The following CCDC7 variants were observed in gnomAD, a reference collection of about 807,000 sequenced individuals.
CCDC7 encodes coiled-coil domain containing 7, also known as coiled-coil domain-containing protein 7.
In CCDC7, 183 loss-of-function variants were observed where a neutral mutation model predicts 196.9. The ratio of observed to expected loss-of-function variants is 0.93; its 90% CI spans 0.82 to 1.05. CCDC7 has a LOEUF of 1.05. Among genes scored for constraint, CCDC7 ranks in the 50% least tolerant of loss-of-function variants. CCDC7 has a pLI of 0.00. For missense variants in CCDC7, 1,540 were observed against 1,482.2 expected, an observed-to-expected ratio of 1.04 and a Z score of -0.64; for synonymous variants, 525 against 484.6, an observed-to-expected ratio of 1.08 and a Z score of -1.10.
intron 9 of CCDC7, among the ~76,000 whole-genome samples, chr10:32,497,508 T>G (rs959973369): frequency 2.6e-5 from 4 of 152,210 alleles, no homozygotes; most frequent in Admixed American, 2.6e-4. Flanking sequence ...AGATCTTGCC[T>G]TCTTTCTCTT....
chr10:32,467,658 C>A (rs1392186086), intron 5 of CCDC7, among the ~76,000 whole-genome samples: 1 of 152,004 alleles, frequency 6.6e-6, no homozygotes, highest in Non-Finnish European at 1.5e-5. Flanking sequence ...GAGTCTTTGC[C>A]CATTCCTATG....
rs2035213598 is a variant in CCDC7, at chr10:32,459,710, T to C, written c.457-2973T>C. Among the ~76,000 whole-genome samples the C allele has an allele frequency of 4.6e-5, 7 of 150,808 alleles. No homozygotes were observed. In the South Asian group the frequency reaches 1.5e-3, roughly 32 times the overall value. The stretch of plus-strand genomic sequence containing the variant: ...TCTTCAAATACCCTAATAGTTTTTT[T>C]CCTTGATACAAATTTACAATTGACT... On this transcript the variant is annotated intron_variant, in intron 3 of 41. Transcript: ENST00000639629.
intron 24 of CCDC7, among the ~76,000 whole-genome samples, chr10:32,706,368 G>C (rs956629123): frequency 2.6e-5 from 4 of 152,018 alleles, no homozygotes; most frequent in Non-Finnish European, 5.9e-5. Context: ...GAGAAAGCAG[G>C]AAAGATCTAA....
intron 7 of CCDC7, among the ~76,000 whole-genome samples, chr10:32,473,095 A>G (rs531743591): frequency 6.6e-6 from 1 of 152,352 alleles, no homozygotes; most frequent in South Asian, 2.1e-4. Flanking sequence ...TACAGACAAC[A>G]ATGTGGTTGT....
At chr10:32,511,340 G>T (rs1048862886) in intron 9 of CCDC7, 3 of 1,579,652 alleles carry the variant, frequency 1.9e-6, no homozygotes. Context: ...TCCTTTATTG[G>T]CAACTTTTGA....
chr10:32,739,021 A>G (rs888525441), intron 28 of CCDC7, among the ~76,000 whole-genome samples: 5 of 151,982 alleles, frequency 3.3e-5, no homozygotes, highest in African/African-American at 1.2e-4. Context: ...GAATATTTTA[A>G]ATATTTTAAG....
chr10:32,805,351 A>G (rs1461849801), intron 30 of CCDC7, among the ~76,000 whole-genome samples: 1 of 152,226 alleles, frequency 6.6e-6, no homozygotes, highest in African/African-American at 2.4e-5. Flanking sequence ...TGAGCTTAGA[A>G]TATACTTGGG....
chr10:32,773,058 A>G (rs1483759892), intron 28 of CCDC7, among the ~76,000 whole-genome samples: 1 of 152,186 alleles, frequency 6.6e-6, no homozygotes, highest in Non-Finnish European at 1.5e-5. Context: ...AGTTGTATTA[A>G]GACTTCATTA....
chr10:32,648,418 C>T lies in CCDC7; in HGVS notation c.2014+13260C>T, dbSNP rs138960242. Among the ~76,000 whole-genome samples the T allele has an allele frequency of 2.3e-3, 344 of 152,216 alleles. 2 individuals are homozygous for T. Among genetic ancestry groups the T allele is most frequent in the South Asian group, 7.5e-3 (36 of 4,818 alleles). On this transcript the variant is annotated intron_variant, in intron 20 of 41. Coordinates refer to ENST00000639629, the Ensembl canonical transcript of CCDC7. ...CATTGAATCTGTAAATTACTTTGGGCAGTATGGCCTTTTTTACTATATTGA... is the reference window on the plus strand; with the variant it reads ...CATTGAATCTGTAAATTACTTTGGGTAGTATGGCCTTTTTTACTATATTGA...
intron 29 of CCDC7, among the ~76,000 whole-genome samples, chr10:32,783,952 A>G (rs1041847409): frequency 1.3e-5 from 2 of 152,206 alleles, no homozygotes; most frequent in African/African-American, 4.8e-5. Flanking sequence ...ATAAGTAGAC[A>G]GAAAGTAGAT....
intron 18 of CCDC7, among the ~76,000 whole-genome samples, chr10:32,632,336 G>A (rs917250554): frequency 3.3e-5 from 5 of 151,458 alleles, no homozygotes; most frequent in East Asian, 1.9e-4. Context: ...GCTTTTTTTC[G>A]AACTATTGAG....
intron 18 of CCDC7, among the ~76,000 whole-genome samples, chr10:32,626,272 G>A (rs749744969): frequency 7.9e-5 from 12 of 151,982 alleles, no homozygotes; most frequent in Non-Finnish European, 1.3e-4. Flanking sequence ...CCGATGTGAG[G>A]TGACATATCA....
chr10:32,571,602 AT>A (rs1180798239), intron 15 of CCDC7, among the ~76,000 whole-genome samples: 7 of 152,074 alleles, frequency 4.6e-5, no homozygotes, highest in Non-Finnish European at 7.4e-5. Context: ...AACTCAAAAA[AT>A]TTTTTTTTTG....
At chr10:32,444,836 G>C (rs1396751106), upstream of CCDC7, among the ~76,000 whole-genome samples, 1 of 150,342 alleles carries the variant, frequency 6.7e-6, no homozygotes, top group African/African-American at 2.4e-5. Context: ...GCATAAATAA[G>C]CATATGCCTT....
At chr10:32,743,717 T>A (rs2074192428) in intron 28 of CCDC7, among the ~76,000 whole-genome samples, 1 of 151,970 alleles carries the variant, frequency 6.6e-6, no homozygotes, top group Admixed American at 6.5e-5. Context: ...CTATTCACAA[T>A]AGCAAAGACT....
At chr10:32,640,391 C>G (rs1439690839) in intron 20 of CCDC7, among the ~76,000 whole-genome samples, 1 of 152,030 alleles carries the variant, frequency 6.6e-6, no homozygotes, top group Admixed American at 6.6e-5. Context: ...TTATTTTGAG[C>G]CTATGTGTGT....
intron 28 of CCDC7, among the ~76,000 whole-genome samples, chr10:32,745,306 A>G (rs2074526571): frequency 6.6e-6 from 1 of 152,216 alleles, no homozygotes; most frequent in African/African-American, 2.4e-5. Context: ...TTGCTATAAA[A>G]GAATATCTGA....
chr10:32,619,021 G>A (rs1018558841), intron 18 of CCDC7, among the ~76,000 whole-genome samples: 2 of 151,590 alleles, frequency 1.3e-5, no homozygotes, highest in Non-Finnish European at 2.9e-5. Context: ...CTTCTATTTA[G>A]TCTATAATTG....
At chr10:32,595,554 C>G (rs910623396) in intron 18 of CCDC7, among the ~76,000 whole-genome samples, 2 of 152,180 alleles carry the variant, frequency 1.3e-5, no homozygotes, top group African/African-American at 4.8e-5. Flanking sequence ...CAGTTCTGCT[C>G]TGATCTTAGT....
Sources: allele counts gnomAD v4.1 joint callset (sites outside exome capture counted in the v4.1 genomes callset), GRCh38; gene constraint gnomAD v4.1.1; transcripts MANE v1.5; gene names NCBI Gene and HGNC (gene_info 2026-07-23, HGNC 2026-07-21).